PCSK1: variants seen among roughly 807,000 people sequenced by gnomAD.
PCSK1 encodes neuroendocrine convertase 1.
Under a neutral mutation model 90.6 loss-of-function variants are expected in PCSK1, and 56 were observed. The observed-to-expected ratio is 0.62, with a 90% CI of 0.50 to 0.77. PCSK1 has a LOEUF of 0.77. Among genes scored for constraint, PCSK1 ranks in the 30% least tolerant of loss-of-function variants. PCSK1 has a pLI of 0.00. For missense variants in PCSK1, 801 were observed against 932.6 expected (o/e 0.86, Z 1.84); for synonymous variants, 348 against 342.4 (o/e 1.02, Z -0.18).
At chr5:96,398,366 C>A (rs1760236410) in intron 11 of PCSK1, among the ~76,000 whole-genome samples, 1 of 152,164 alleles carries the variant, frequency 6.6e-6, no homozygotes, top group African/African-American at 2.4e-5. Context: ...CATCCACTAT[C>A]TTATCTGAAT....
intron 3 of PCSK1, among the ~76,000 whole-genome samples, chr5:96,424,765 C>A: frequency 6.6e-6 from 1 of 151,912 alleles, no homozygotes; most frequent in Non-Finnish European, 1.5e-5. Flanking sequence ...GAGTTCGAGA[C>A]CAGACTGACC....
chr5:96,416,298 A>G (rs1760937301), intron 5 of PCSK1, among the ~76,000 whole-genome samples, 177 bp from the exon 6 acceptor site: 2 of 152,242 alleles, frequency 1.3e-5, no homozygotes, highest in South Asian at 2.1e-4. Context: ...GGGCACAAGT[A>G]TTAGAGACAA....
At chr5:96,400,580 T>C (rs189886191) in intron 9 of PCSK1, among the ~76,000 whole-genome samples, 94 of 152,344 alleles carry the variant, frequency 6.2e-4, no homozygotes, top group African/African-American at 2.1e-3. Flanking sequence ...CTTAGCACTT[T>C]CAGCATTATG....
chr5:96,429,433 T>C (rs1194960427), intron 1 of PCSK1, 116 bp from the exon 2 acceptor site: 6 of 648,948 alleles, frequency 9.2e-6, no homozygotes, highest in Non-Finnish European at 1.6e-5. Flanking sequence ...ATTCCTGGTA[T>C]CTGAAATTAA....
chr5:96,415,932 C>T (rs540966207), intron 6 of PCSK1, 101 bp downstream of exon 6: 26 of 781,454 alleles, frequency 3.3e-5, no homozygotes, highest in South Asian at 2.9e-4. Context: ...CTAATTTGTT[C>T]CTCCAGTTGT....
chr5:96,412,752 G>GTTTTTTTTTTGTTGTTTT (rs566921725), intron 6 of PCSK1, among the ~76,000 whole-genome samples: 5 of 71,830 alleles, frequency 7.0e-5, no homozygotes, highest in African/African-American at 3.6e-4. Context: ...CAGCTGTGAT[G>GTTTTTTTTTTGTTGTTTT]TTTTTTTTTT....
chr5:96,425,746 C>A, intron 3 of PCSK1, 74 bp downstream of exon 3: 6 of 802,860 alleles, frequency 7.5e-6, no homozygotes, highest in Admixed American at 2.0e-5. Flanking sequence ...AAAAAAAATC[C>A]ATGTTGCAAA....
intron 9 of PCSK1, among the ~76,000 whole-genome samples, chr5:96,404,436 C>T (rs754653560): frequency 2.0e-5 from 3 of 152,154 alleles, no homozygotes; most frequent in Admixed American, 1.3e-4. Flanking sequence ...TGAGAAACAT[C>T]GCTTTGGGGA....
chr5:96,417,114 C>T (rs770069053), intron 5 of PCSK1, among the ~76,000 whole-genome samples: 1 of 152,172 alleles, frequency 6.6e-6, no homozygotes, highest in Non-Finnish European at 1.5e-5. Context: ...TAATGTTGGC[C>T]AGTTACATTT....
chr5:96,421,565 G>A (rs914161338), intron 5 of PCSK1, among the ~76,000 whole-genome samples: 9 of 152,182 alleles, frequency 5.9e-5, no homozygotes, highest in Non-Finnish European at 1.2e-4. Flanking sequence ...AGGAATTGAG[G>A]GGAGGGATGG....
rs1561378622 is a variant in PCSK1 at position 96,429,222 on chromosome 5, A to G, written c.276T>C (p.Asp92=). ...AATGTACAACACTTACACGATCATC[A>G]TCAGATAATCTCTTAGTGATATGAA... ...SAFHITKRLS[D]DDRVIWAEQQ... is the part of the protein sequence containing the mutation. The change falls in exon 2 of 14, where the codon GAT becomes GAC. Residue 92 remains aspartate, a synonymous_variant. Coordinates refer to ENST00000311106, the MANE Select transcript of PCSK1 (RefSeq NM_000439.5). 1 of 1,512,640 alleles carries G rather than the reference A, an allele frequency of 6.6e-7. No individual in the cohort carries two copies. 93.7% of individuals were successfully genotyped at this position (1,512,640 alleles called of 1,614,324 possible). A position where few individuals can be genotyped will look rare whatever the true frequency, so the allele number is the denominator to read the frequency against.
At chr5:96,423,191 C>T in intron 4 of PCSK1, 122 bp downstream of exon 4, 1 of 901,876 alleles carries the variant, frequency 1.1e-6, no homozygotes, top group Non-Finnish European at 1.8e-6. Context: ...GGGACATAAC[C>T]TTGGCCCATA....
At chr5:96,415,339 G>T (rs563588265) in intron 6 of PCSK1, among the ~76,000 whole-genome samples, 27 of 152,308 alleles carry the variant, frequency 1.8e-4, no homozygotes, top group Non-Finnish European at 2.9e-4. Context: ...GGCCTATCCA[G>T]TGGCTCTCTC....
intron 10 of PCSK1, 29 bp from the exon 11 acceptor site, chr5:96,399,065 T>C: frequency 6.5e-7 from 1 of 1,546,744 alleles, no homozygotes; most frequent in Non-Finnish European, 8.9e-7. Context: ...CAGCATTGAA[T>C]AAAGTATATC....
chr5:96,412,445 C>T lies in PCSK1; in HGVS notation c.755G>A (p.Ser252Asn). 1 of 1,613,850 alleles carries T rather than the reference C, an allele frequency of 6.2e-7. No individual in the cohort carries two copies. Among genetic ancestry groups the T allele is most frequent in the Non-Finnish European group, 8.5e-7 (1 of 1,179,746 alleles). The change falls in exon 7 of 14, where the codon AGT becomes AAT. Residue 252 changes from serine to asparagine, a missense_variant. By Grantham distance (46) the Ser-to-Asn change is conservative. Transcript: ENST00000311106. The stretch of plus-strand genomic sequence containing the variant: ...GTGTCCAGGATTGAATCCAATTGAA[C>T]TGGCCTCAATAGCATCCGTCACAAT... ...DGIVTDAIEA[S>N]SIGFNPGHVD...
intron 4 of PCSK1, 59 bp from the exon 5 acceptor site, chr5:96,422,015 A>AGC: frequency 1.2e-6 from 1 of 858,960 alleles, no homozygotes; most frequent in Non-Finnish European, 1.9e-6. Context: ...AAAAAAAAAA[A>AGC]AAAAGCATCA....
rs1222822243 is a variant in PCSK1 at position 96,412,421 on chromosome 5, T to C, written c.779A>G (p.His260Arg). 1 of 1,613,966 alleles carries C rather than the reference T, an allele frequency of 6.2e-7. No homozygotes were observed. The highest frequency in any genetic ancestry group is 8.5e-7 in the Non-Finnish European group (1 of 1,179,830). ...CCAGCTTGCACTGTAAATATCCACG[T>C]GTCCAGGATTGAATCCAATTGAACT... ...EASSIGFNPG[H>R]VDIYSASWGP... is the part of the protein sequence containing the mutation. Residue 260 changes from histidine to arginine, a missense_variant, in exon 7 of 14, where the codon CAC (histidine) becomes CGC (arginine). Coordinates refer to ENST00000311106, the MANE Select transcript of PCSK1 (RefSeq NM_000439.5).
At chr5:96,418,399 T>C (rs558244306) in intron 5 of PCSK1, among the ~76,000 whole-genome samples, 2 of 152,350 alleles carry the variant, frequency 1.3e-5, no homozygotes, top group Admixed American at 6.5e-5. Flanking sequence ...AATATCCTTG[T>C]CACATTTGTT....
In PCSK1 at chr5:96,395,601, A is replaced by G. The variant is rs375354326; in HGVS notation, c.1723-576T>C. Among the ~76,000 whole-genome samples, 10 of 152,260 alleles carry G rather than the reference A, an allele frequency of 6.6e-5. No homozygotes were observed. In the East Asian group the frequency reaches 7.7e-4, roughly 12 times the overall value. On this transcript the variant is annotated intron_variant, in intron 12 of 13. Transcript: ENST00000311106. ...AGTGGGAGTTGAACAGTGGGAACAT[A>G]TGGGCACAGGGAGGGGAACATCACA...
Sources: allele counts gnomAD v4.1 joint callset (sites outside exome capture counted in the v4.1 genomes callset), GRCh38; gene constraint gnomAD v4.1.1; transcripts MANE v1.5; gene names NCBI Gene and HGNC (gene_info 2026-07-23, HGNC 2026-07-21).